The following ITGB1 variants were observed in gnomAD, a reference collection of about 807,000 sequenced individuals.
The protein encoded by ITGB1 is integrin beta-1.
A neutral mutation model predicts 86.5 loss-of-function variants in ITGB1; 24 were observed. The ratio of observed to expected loss-of-function variants is 0.28; its 90% CI spans 0.20 to 0.39. The LOEUF (loss-of-function observed/expected upper bound fraction) is 0.39. ITGB1 is among the 10% of genes least tolerant of loss of function. The pLI is 1.00. For missense variants in ITGB1, 556 were observed against 946.9 expected, an observed-to-expected ratio of 0.59 and a Z score of 5.42; for synonymous variants, 323 against 316.8, an observed-to-expected ratio of 1.02 and a Z score of -0.21.
chr10:32,922,195 T>C, intron 9 of ITGB1, 62 bp downstream of exon 9: 1 of 1,060,064 alleles, frequency 9.4e-7, no homozygotes, highest in Non-Finnish European at 1.4e-6. Flanking sequence ...TTTTACTTTC[T>C]TTGTACAAAG....
At chr10:32,927,616 A>AC (rs2094969274) in intron 5 of ITGB1, among the ~76,000 whole-genome samples, 1 of 151,914 alleles carries the variant, frequency 6.6e-6, no homozygotes, top group South Asian at 2.1e-4. Flanking sequence ...ACATGGTGAA[A>AC]CCCCCATCTC....
rs2094977637 is a variant in ITGB1, at chr10:32,929,925, T to C, written c.273A>G (p.Lys91=). Reference sequence around the variant, plus strand: ...TGCTACGGTTGGTTACATTTTTATTTTTCTTTATATCTTTGGAGCCTCTGG... The same window carrying C: ...TGCTACGGTTGGTTACATTTTTATTCTTCTTTATATCTTTGGAGCCTCTGG... ...ENPRGSKDIK[K]NKNVTNRSKG... is the part of the protein sequence containing the mutation. The change falls in exon 4 of 16, where the codon AAA becomes AAG. Residue 91 remains lysine (K), a synonymous_variant. Transcript: ENST00000302278. 1 of 1,598,766 alleles carries C rather than the reference T, an allele frequency of 6.3e-7. No homozygotes were observed. Among genetic ancestry groups the C allele is most frequent in the Non-Finnish European group, 8.6e-7 (1 of 1,165,944 alleles).
rs148818828 is a variant in ITGB1 at position 32,934,319 on chromosome 10, A to G, written c.67+1173T>C. ...CCCTAAACAATACAGTGTAAAAGCT[A>G]TTTACCTAGCATTTACATTGTATTA... On this transcript the variant is annotated intron_variant, in intron 2 of 15. Transcript: ENST00000302278. 5.3e-5 allele frequency among the ~76,000 whole-genome samples: 8 copies of G among 152,324 alleles called. No individual in the cohort carries two copies. The East Asian group carries it at 1.5e-3, about 29-fold the overall frequency.
intron 11 of ITGB1, among the ~76,000 whole-genome samples, chr10:32,918,535 G>T (rs1220874456): frequency 6.6e-6 from 1 of 152,078 alleles, no homozygotes; most frequent in African/African-American, 2.4e-5. Flanking sequence ...ACATACACAG[G>T]CGCACATGTA....
intron 1 of ITGB1, among the ~76,000 whole-genome samples, chr10:32,937,241 C>T (rs558984820): frequency 1.4e-4 from 22 of 152,074 alleles, no homozygotes; most frequent in Non-Finnish European, 2.9e-4. Flanking sequence ...TTAGTCATTG[C>T]AATAATAAAA....
intron 11 of ITGB1, among the ~76,000 whole-genome samples, chr10:32,913,912 G>GA (rs1359462995): frequency 2.0e-5 from 3 of 152,142 alleles, no homozygotes; most frequent in African/African-American, 7.2e-5. Context: ...AGGGCAGCCA[G>GA]AGAGAAAGGT....
At chr10:32,932,315 G>C (rs535740863) in intron 3 of ITGB1, among the ~76,000 whole-genome samples, 200 bp downstream of exon 3, 1 of 151,994 alleles carries the variant, frequency 6.6e-6, no homozygotes, top group African/African-American at 2.4e-5. Flanking sequence ...TTGAAACTTA[G>C]AGCAATTCTA....
At chr10:32,914,368 G>A (rs2094924808) in intron 11 of ITGB1, among the ~76,000 whole-genome samples, 1 of 152,092 alleles carries the variant, frequency 6.6e-6, no homozygotes, top group Non-Finnish European at 1.5e-5. Context: ...ACACAGACTG[G>A]CAAATTGGAT....
chr10:32,944,297 G>A (rs2095025934), intron 1 of ITGB1, among the ~76,000 whole-genome samples: 1 of 152,262 alleles, frequency 6.6e-6, no homozygotes, highest in Non-Finnish European at 1.5e-5. Flanking sequence ...CCGCCCACTA[G>A]CAGCGCTGCC....
chr10:32,944,706 C>G, intron 1 of ITGB1: 1 of 682,092 alleles, frequency 1.5e-6, no homozygotes, highest in Admixed American at 1.8e-5. Flanking sequence ...GCTTCTTAGA[C>G]AGACAAAGTG....
intron 5 of ITGB1, among the ~76,000 whole-genome samples, chr10:32,926,793 T>A (rs2094966404): frequency 6.6e-6 from 1 of 152,196 alleles, no homozygotes; most frequent in African/African-American, 2.4e-5. Flanking sequence ...AGAGAGCTGC[T>A]GTCTCCCTGC....
At chr10:32,903,511 T>C (rs1565816698) in intron 15 of ITGB1, among the ~76,000 whole-genome samples, 1 of 151,928 alleles carries the variant, frequency 6.6e-6, no homozygotes, top group Non-Finnish European at 1.5e-5. Flanking sequence ...CATTAACATA[T>C]AAAGGCTGGG....
chr10:32,919,964 A>G lies in ITGB1; in HGVS notation c.1390T>C (p.Cys464Arg), dbSNP rs1380194121. The G allele has an allele frequency of 6.2e-7, 1 of 1,614,024 alleles. No homozygotes were observed. Among genetic ancestry groups the G allele is most frequent in the Non-Finnish European group, 8.5e-7 (1 of 1,180,014 alleles). Residue 464 changes from cysteine (C) to arginine (R), a missense_variant, in exon 11 of 16, where the codon TGT becomes CGT. By Grantham distance (180) the Cys-to-Arg change is radical. Coordinates refer to ENST00000302278, the MANE Select transcript of ITGB1 (RefSeq NM_002211.4). ...VEVILQYICE[C>R]ECQSEGIPES... ...GGGATGCCTTCGCTTTGGCATTCACATTCACAGATGTACTGAAGAATAACC... is the reference window on the plus strand; with the variant it reads ...GGGATGCCTTCGCTTTGGCATTCACGTTCACAGATGTACTGAAGAATAACC...
intron 14 of ITGB1, among the ~76,000 whole-genome samples, chr10:32,908,735 A>C (rs1175198141): frequency 3.3e-5 from 5 of 151,656 alleles, no homozygotes; most frequent in African/African-American, 1.2e-4. Flanking sequence ...TTCTATATAT[A>C]TAATTTATTT....
At chr10:32,938,865 G>A (rs1408386476) in intron 1 of ITGB1, among the ~76,000 whole-genome samples, 7 of 152,214 alleles carry the variant, frequency 4.6e-5, no homozygotes, top group South Asian at 2.1e-4. Context: ...AGGGGGCGGA[G>A]AGGAGACCAC....
chr10:32,952,930 T>C (rs143927015), intron 1 of ITGB1, among the ~76,000 whole-genome samples: 93 of 152,362 alleles, frequency 6.1e-4, no homozygotes, highest in African/African-American at 2.1e-3. Flanking sequence ...ATTGTATTCA[T>C]GTCTGTGTCT....
intron 6 of ITGB1, among the ~76,000 whole-genome samples, chr10:32,924,489 A>T (rs573334127): frequency 6.6e-6 from 1 of 152,198 alleles, no homozygotes; most frequent in Non-Finnish European, 1.5e-5. Context: ...TTAAGGTGGG[A>T]ATCACATTTA....
chr10:32,957,434 CG>C (rs1444239203), intron 1 of ITGB1, among the ~76,000 whole-genome samples: 7 of 152,220 alleles, frequency 4.6e-5, no homozygotes, highest in Non-Finnish European at 1.0e-4. Flanking sequence ...GTCCTGGTCC[CG>C]GGGTGCCCGG....
intron 15 of ITGB1, chr10:32,906,708 G>C (rs988140969): frequency 4.3e-6 from 1 of 231,064 alleles, no homozygotes; most frequent in African/African-American, 2.4e-5. Flanking sequence ...GAGTGCATTT[G>C]CCAAATACAA....
Sources: gnomAD v4.1 joint callset for allele counts (sites outside exome capture counted in the v4.1 genomes callset) on GRCh38, gnomAD v4.1.1 for gene constraint, MANE v1.5 for transcripts, NCBI Gene and HGNC (gene_info 2026-07-23, HGNC 2026-07-21) for gene names.